DCBLD1: variants seen among roughly 807,000 people sequenced by gnomAD.
The protein encoded by DCBLD1 is discoidin, CUB and LCCL domain-containing protein 1.
In DCBLD1, 57 loss-of-function variants were observed where a neutral mutation model predicts 71.5. That is an observed-to-expected ratio of 0.80 (90% CI 0.64 to 0.99). The LOEUF is 0.99. Ranked by LOEUF, DCBLD1 falls within the 50% of genes least tolerant of loss-of-function variation. The pLI is 0.00. For missense variants in DCBLD1, 891 were observed against 923.5 expected, an observed-to-expected ratio of 0.96 and a Z score of 0.46; for synonymous variants, 380 against 363.8, an observed-to-expected ratio of 1.04 and a Z score of -0.51.
At chr6:117,563,187 C>T (rs948885542) in intron 14 of DCBLD1, 2 of 1,459,046 alleles carry the variant, frequency 1.4e-6, no homozygotes, top group African/African-American at 2.8e-5. Context: ...GTCTTTGTCA[C>T]CATCTTCCCC....
chr6:117,535,528 A>C (rs535093707), intron 6 of DCBLD1, among the ~76,000 whole-genome samples: 1 of 152,274 alleles, frequency 6.6e-6, no homozygotes, highest in Admixed American at 6.5e-5. Flanking sequence ...AATTCGTTCA[A>C]TGGAATGAAA....
chr6:117,488,720 A>C (rs1435977950), intron 1 of DCBLD1, among the ~76,000 whole-genome samples: 1 of 152,208 alleles, frequency 6.6e-6, no homozygotes, highest in African/African-American at 2.4e-5. Flanking sequence ...ACAGCAGGAA[A>C]ACTGCCATGA....
intron 2 of DCBLD1, among the ~76,000 whole-genome samples, chr6:117,511,423 G>A (rs1437300913): frequency 6.6e-6 from 1 of 152,160 alleles, no homozygotes; most frequent in Non-Finnish European, 1.5e-5. Flanking sequence ...ATAATGATTT[G>A]CACCAGGAAG....
intron 2 of DCBLD1, among the ~76,000 whole-genome samples, chr6:117,508,665 C>T (rs535606940): frequency 6.6e-6 from 1 of 152,290 alleles, no homozygotes; most frequent in African/African-American, 2.4e-5. Flanking sequence ...TTTGCCCCCA[C>T]TGCCTGTAGG....
chr6:117,554,619 G>A (rs1380228291), downstream of DCBLD1, among the ~76,000 whole-genome samples: 3 of 152,178 alleles, frequency 2.0e-5, no homozygotes, highest in African/African-American at 7.2e-5. Flanking sequence ...TGTGGGCCAG[G>A]TGCAGTGGCT....
chr6:117,548,903 C>T lies in DCBLD1; in HGVS notation c.*464C>T, dbSNP rs1779369853. ...AGTATATTATCTGATACTGTGTTAG[C>T]AGCAGGTCTGCTTAAACCTAGTCTT... is the stretch of plus-strand genomic sequence containing the variant. On this transcript the variant is annotated 3_prime_UTR_variant, in exon 15 of 15. Transcript: ENST00000338728. The T allele has an allele frequency of 2.0e-6, 2 of 998,212 alleles. No individual in the cohort carries two copies. The highest frequency in any genetic ancestry group is 1.7e-5 in the African/African-American group (1 of 57,300). The allele number at this position is 998,212 out of a possible 1,614,324, so 61.8% of individuals were successfully genotyped here. A position where few individuals can be genotyped will look rare whatever the true frequency, so the allele number is the denominator to read the frequency against.
chr6:117,501,043 A>C (rs1374619840), intron 1 of DCBLD1, among the ~76,000 whole-genome samples: 1 of 152,126 alleles, frequency 6.6e-6, no homozygotes, highest in African/African-American at 2.4e-5. Flanking sequence ...GGAGAATTTC[A>C]TAGTCCTAAG....
At position 117,549,490 on chromosome 6, in the gene DCBLD1, A is replaced by G. The variant is rs754395381; in HGVS notation, c.*1051A>G. 59 of 985,244 alleles carry G rather than the reference A, an allele frequency of 6.0e-5. No homozygotes were observed. The highest frequency in any genetic ancestry group is 6.5e-5 in the Non-Finnish European group (54 of 829,926). The allele number at this position is 985,244 out of a possible 1,614,324, so 61.0% of individuals were successfully genotyped here. A position where few individuals can be genotyped will look rare whatever the true frequency, so the allele number is the denominator to read the frequency against. On this transcript the variant is annotated 3_prime_UTR_variant, in exon 15 of 15. Transcript: ENST00000338728. ...CAGACATCAGCTGTACCTCATGCTC[A>G]GTAGTTTTTATTTGAGTTTCTTTTG...
At chr6:117,541,138 G>A in intron 11 of DCBLD1, 113 bp downstream of exon 11, 1 of 865,954 alleles carries the variant, frequency 1.2e-6, no homozygotes, top group Non-Finnish European at 1.8e-6. Context: ...GGAGGTGGAT[G>A]ATCCAGTGGT....
chr6:117,550,543 C>T (rs1321209575), downstream of DCBLD1, among the ~76,000 whole-genome samples: 2 of 152,206 alleles, frequency 1.3e-5, no homozygotes, highest in Non-Finnish European at 2.9e-5. Flanking sequence ...CAAGACTACA[C>T]TTACACAGGC....
chr6:117,569,712 T>C lies in DCBLD1; in HGVS notation c.*88T>C, dbSNP rs772757238. The C allele has an allele frequency of 1.2e-5, 19 of 1,602,854 alleles. No homozygotes were observed. Among genetic ancestry groups the C allele is most frequent in the Admixed American group, 7.0e-5 (4 of 57,046 alleles). On this transcript the variant is annotated 3_prime_UTR_variant, in exon 15 of 15. Transcript: ENST00000296955. ...CCCGGATGGATCTCAGAGATGAGGA[T>C]TGGAACACCATGTTCTTTCCCACCC...
chr6:117,566,880 G>A lies in DCBLD1; in HGVS notation c.1616-2740G>A. 3 of 1,587,034 alleles carry A rather than the reference G, an allele frequency of 1.9e-6. No individual in the cohort carries two copies. Among genetic ancestry groups the A allele is most frequent in the South Asian group, 2.4e-5 (2 of 84,902 alleles). On this transcript the variant is annotated intron_variant, in intron 14 of 14. Coordinates refer to the DCBLD1 transcript ENST00000296955. Reference sequence around the variant, plus strand: ...TTGTAATACTTTGATTTCCCCACTTGTGTCTTTGCAACTAGCACCAGGGTT... The same window carrying A: ...TTGTAATACTTTGATTTCCCCACTTATGTCTTTGCAACTAGCACCAGGGTT...
At position 117,483,701 on chromosome 6, in the gene DCBLD1, C is replaced by CTTT. The variant is rs71717606; in HGVS notation, c.112+818_112+820dup. Reference sequence around the variant, plus strand: ...TTTCATTCGTCCTCATTAATTAGTGCTTTTTTTTTTTTAATAGCAAGGGCC... The same window carrying CTTT: ...TTTCATTCGTCCTCATTAATTAGTGCTTTTTTTTTTTTTTTAATAGCAAGGGCC... On this transcript the variant is annotated intron_variant, in intron 1 of 14. Transcript: ENST00000338728. Among the ~76,000 whole-genome samples, 833 of 146,628 alleles carry CTTT rather than the reference C, an allele frequency of 5.7e-3. 8 individuals are homozygous for CTTT. Among genetic ancestry groups the CTTT allele is most frequent in the African/African-American group, 0.019 (744 of 39,960 alleles).
intron 1 of DCBLD1, among the ~76,000 whole-genome samples, chr6:117,490,125 CCCT>C (rs1290169225): frequency 2.2e-5 from 3 of 133,992 alleles, no homozygotes; most frequent in Non-Finnish European, 4.8e-5. Context: ...ACACACACAC[CCCT>C]ATAGCAAATA....
intron 14 of DCBLD1, among the ~76,000 whole-genome samples, chr6:117,567,265 C>A (rs1286265618): frequency 1.3e-5 from 2 of 152,144 alleles, no homozygotes; most frequent in African/African-American, 4.8e-5. Context: ...GCTCTTTCTA[C>A]TGACCATAGT....
rs1367516371 is a variant in DCBLD1 at position 117,503,945 on chromosome 6, C to T, written c.291C>T (p.Asp97=). 2.1e-5 allele frequency: 34 copies of T among 1,614,114 alleles called. No individual in the cohort carries two copies. The highest frequency in any genetic ancestry group is 2.8e-5 in the Non-Finnish European group (33 of 1,179,998). Residue 97 remains aspartate (D), a synonymous_variant, in exon 2 of 15, where the codon GAC becomes GAT. Coordinates refer to ENST00000338728, the MANE Select transcript of DCBLD1 (RefSeq NM_001366458.2). The part of the protein sequence containing the change: ...LDIESQTCAS[D]YLLFTSSSDQ... Reference sequence around the variant, plus strand: ...TCGAATCCCAGACCTGTGCTTCTGACTATCTTCTCTTCACCAGCTCTTCAG... The same window carrying T: ...TCGAATCCCAGACCTGTGCTTCTGATTATCTTCTCTTCACCAGCTCTTCAG...
chr6:117,525,647 G>C (rs956149123), intron 5 of DCBLD1, among the ~76,000 whole-genome samples: 1 of 152,098 alleles, frequency 6.6e-6, no homozygotes, highest in African/African-American at 2.4e-5. Flanking sequence ...TACTATAAAT[G>C]AAATGAAAAA....
chr6:117,526,527 T>C (rs924734291), intron 5 of DCBLD1, among the ~76,000 whole-genome samples: 3 of 152,236 alleles, frequency 2.0e-5, no homozygotes, highest in African/African-American at 7.2e-5. Context: ...TTTTTCTTAA[T>C]GTAGATATTT....
chr6:117,545,641 C>G, intron 14 of DCBLD1, 44 bp downstream of exon 14: 1 of 1,583,294 alleles, frequency 6.3e-7, no homozygotes, highest in Non-Finnish European at 8.6e-7. Context: ...ATTGGAGGTG[C>G]TGCTTGTGGG....
Sources: allele counts gnomAD v4.1 joint callset (sites outside exome capture counted in the v4.1 genomes callset), GRCh38; gene constraint gnomAD v4.1.1; transcripts MANE v1.5; gene names NCBI Gene and HGNC (gene_info 2026-07-23, HGNC 2026-07-21).